DNAH9: variants seen among roughly 807,000 people sequenced by gnomAD.
DNAH9 encodes the protein DNAH9 variant protein.
DNAH9 carries 345 observed loss-of-function variants against 471.6 expected under a neutral mutation model. The observed-to-expected ratio is 0.73, with a 90% CI of 0.67 to 0.80. The LOEUF (loss-of-function observed/expected upper bound fraction) is 0.80. Ranked by LOEUF, DNAH9 falls within the 30% of genes least tolerant of loss-of-function variation. The probability of loss-of-function intolerance (pLI) is 0.00; values close to 1 mark genes in which losing one functional copy is unlikely to be tolerated. For missense variants in DNAH9, 5,407 were observed against 5,609.2 expected (o/e 0.96, Z 1.15); for synonymous variants, 2,093 against 2,123.6 (o/e 0.99, Z 0.40).
At chr17:11,860,408 G>C (rs553772088) in intron 50 of DNAH9, among the ~76,000 whole-genome samples, 37 of 152,344 alleles carry the variant, frequency 2.4e-4, no homozygotes, top group Admixed American at 3.9e-4. Context: ...TGTTAAGGAA[G>C]AGGTAAATTT....
In DNAH9 at chr17:11,652,921, T is replaced by A; in HGVS notation, c.2514T>A (p.Ser838=). 1 of 1,614,040 alleles carries A rather than the reference T, an allele frequency of 6.2e-7. No individual in the cohort carries two copies. Among genetic ancestry groups the A allele is most frequent in the Non-Finnish European group, 8.5e-7 (1 of 1,179,904 alleles). The part of the protein sequence containing the change: ...TKDGKRESLL[S]LDDRHDRMEK... ...ATGGAAAAAGGGAATCCCTTCTTTC[T>A]CTGGATGATCGGCATGATCGAATGG... Residue 838 remains serine, a synonymous_variant, in exon 14 of 69, where the codon TCT becomes TCA. Transcript: ENST00000262442.
intron 28 of DNAH9, among the ~76,000 whole-genome samples, chr17:11,736,945 A>G (rs778786803): frequency 2.0e-5 from 3 of 152,218 alleles, no homozygotes; most frequent in African/African-American, 4.8e-5. Flanking sequence ...AGTGCTCTGT[A>G]TATTTTATGG....
chr17:11,637,677 A>G (rs1018387933), intron 9 of DNAH9, among the ~76,000 whole-genome samples: 14 of 152,230 alleles, frequency 9.2e-5, no homozygotes, highest in Non-Finnish European at 1.6e-4. Context: ...TGGGTGCTCA[A>G]TAAGTCGTTA....
In DNAH9 at chr17:11,760,551, G is replaced by A. The variant is rs368800937; in HGVS notation, c.6995+2859G>A. 3.3e-5 allele frequency among the ~76,000 whole-genome samples: 5 copies of A among 151,610 alleles called. No individual in the cohort carries two copies. In the East Asian group the frequency reaches 7.8e-4, roughly 24 times the overall value. Reference sequence around the variant, plus strand: ...TATTTTTTTTTTGAGACGGAGTCTTGCTCTGTCGCCCAGGCTGGAGTGCAG... The same window carrying A: ...TATTTTTTTTTTGAGACGGAGTCTTACTCTGTCGCCCAGGCTGGAGTGCAG... On this transcript the variant is annotated intron_variant, in intron 35 of 68. Coordinates refer to ENST00000262442, the MANE Select transcript of DNAH9 (RefSeq NM_001372.4).
At chr17:11,729,458 A>G (rs992056127) in intron 28 of DNAH9, among the ~76,000 whole-genome samples, 17 of 152,302 alleles carry the variant, frequency 1.1e-4, no homozygotes, top group Middle Eastern at 3.4e-3. Context: ...CCATATAATC[A>G]AAAATGGTTT....
At chr17:11,910,277 C>G (rs1488614055) in intron 61 of DNAH9, among the ~76,000 whole-genome samples, 1 of 151,912 alleles carries the variant, frequency 6.6e-6, no homozygotes, top group African/African-American at 2.4e-5. Context: ...ATTGCCTATT[C>G]TGGACATTTC....
intron 1 of DNAH9, among the ~76,000 whole-genome samples, chr17:11,604,257 C>T (rs964996721): frequency 8.6e-5 from 13 of 152,016 alleles, no homozygotes; most frequent in African/African-American, 2.7e-4. Flanking sequence ...CTCCTGACCT[C>T]GTGATCTGCC....
intron 11 of DNAH9, among the ~76,000 whole-genome samples, chr17:11,645,873 C>CTTTTTTTTTTTTTTTTTTTTTTTTTT (rs1205010044): frequency 7.2e-6 from 1 of 138,732 alleles, no homozygotes; most frequent in African/African-American, 2.9e-5. Flanking sequence ...TTCTCTTTTT[C>CTTTTTTTTTTTTTTTTTTTTTTTTTT]TTTTTCTTTT....
intron 67 of DNAH9, among the ~76,000 whole-genome samples, chr17:11,950,695 C>T (rs1262834981): frequency 2.6e-5 from 4 of 152,150 alleles, no homozygotes; most frequent in African/African-American, 7.2e-5. Flanking sequence ...CACATTATCT[C>T]TTCTTATAAC....
intron 43 of DNAH9, among the ~76,000 whole-genome samples, chr17:11,800,187 G>C (rs1567810908): frequency 6.6e-6 from 1 of 151,972 alleles, no homozygotes; most frequent in Admixed American, 6.6e-5. Context: ...GCGTCTTCCC[G>C]TCATCAAATC....
intron 67 of DNAH9, among the ~76,000 whole-genome samples, chr17:11,959,047 T>C (rs1029255578): frequency 3.3e-5 from 5 of 152,296 alleles, no homozygotes; most frequent in East Asian, 1.9e-4. Context: ...TCTTCATAAA[T>C]GCAGAGAAGG....
At chr17:11,688,543 G>A (rs867831569) in intron 19 of DNAH9, among the ~76,000 whole-genome samples, 2 of 152,238 alleles carry the variant, frequency 1.3e-5, no homozygotes, top group Non-Finnish European at 1.5e-5. Flanking sequence ...GCTGTTGCCT[G>A]AAGCTGATGC....
In DNAH9 at chr17:11,699,672, T is replaced by C. The variant is rs2074556433; in HGVS notation, c.4873-59T>C. Reference sequence around the variant, plus strand: ...GCCACATGGTAGGCCTCTAAACAATTCTAATAAGCAGCTTCCCGAACATGT... The same window carrying C: ...GCCACATGGTAGGCCTCTAAACAATCCTAATAAGCAGCTTCCCGAACATGT... On this transcript the variant is annotated intron_variant, in intron 22 of 68. Coordinates refer to ENST00000262442, the MANE Select transcript of DNAH9 (RefSeq NM_001372.4). The C allele has an allele frequency of 1.1e-5, 17 of 1,525,526 alleles. No homozygotes were observed. In the South Asian group the frequency reaches 1.8e-4, roughly 16 times the overall value. The allele number at this position is 1,525,526 out of a possible 1,614,324, so 94.5% of individuals were successfully genotyped here. A position where few individuals can be genotyped will look rare whatever the true frequency, so the allele number is the denominator to read the frequency against.
At chr17:11,655,977 G>C (rs1248156579) in intron 14 of DNAH9, among the ~76,000 whole-genome samples, 1 of 151,890 alleles carries the variant, frequency 6.6e-6, no homozygotes, top group African/African-American at 2.4e-5. Flanking sequence ...TAGGCATTTG[G>C]GCTGGTTCCA....
chr17:11,905,894 A>G, intron 61 of DNAH9, 85 bp downstream of exon 61: 5 of 1,452,760 alleles, frequency 3.4e-6, no homozygotes, highest in Non-Finnish European at 4.6e-6. Context: ...TCTTTTCTGG[A>G]TTCAAGCTTC....
chr17:11,897,220 C>T, intron 59 of DNAH9, among the ~76,000 whole-genome samples: 1 of 152,194 alleles, frequency 6.6e-6, no homozygotes, highest in South Asian at 2.1e-4. Context: ...CCTTTGAAAT[C>T]TGGTGAATAT....
chr17:11,894,441 CG>C lies in DNAH9; in HGVS notation c.11354del (p.Gly3785AlafsTer33). ...LDFLLRSPVQ[T>X]GTASPVEFLS... ...TTCCTGCTTCGATCTCCAGTGCAGA[CG>C]GGCACCGCCAGCCCCGTGGAGTTCC... is the stretch of plus-strand genomic sequence containing the variant. On this transcript the variant is annotated frameshift_variant, in exon 59 of 69. Coordinates refer to ENST00000262442, the MANE Select transcript of DNAH9 (RefSeq NM_001372.4). LOFTEE classifies it high-confidence loss of function. The C allele has an allele frequency of 6.2e-7, 1 of 1,614,128 alleles. No individual in the cohort carries two copies. Among genetic ancestry groups the C allele is most frequent in the Non-Finnish European group, 8.5e-7 (1 of 1,179,994 alleles).
intron 24 of DNAH9, 21 bp downstream of exon 24, chr17:11,701,268 C>CCAT: frequency 6.2e-7 from 1 of 1,611,962 alleles, no homozygotes; most frequent in Non-Finnish European, 8.5e-7. Context: ...AATGGGATCC[C>CCAT]CATCCTCCAT....
In DNAH9 at chr17:11,797,764, A is replaced by C; in HGVS notation, c.8391A>C (p.Leu2797=). The change falls in exon 43 of 69, where the codon CTA becomes CTC. Residue 2797 remains leucine, a synonymous_variant. Transcript: ENST00000262442. The stretch of plus-strand genomic sequence containing the variant: ...ATGAAGTCAACACAGTGATGGACCT[A>C]GTTCTCTTTGAGGATGCCATGCGCC... ...NHNEVNTVMD[L]VLFEDAMRHV... The C allele has an allele frequency of 6.2e-7, 1 of 1,614,064 alleles. No homozygotes were observed. The highest frequency in any genetic ancestry group is 8.5e-7 in the Non-Finnish European group (1 of 1,179,990).
Sources: allele counts gnomAD v4.1 joint callset (sites outside exome capture counted in the v4.1 genomes callset), GRCh38; gene constraint gnomAD v4.1.1; transcripts MANE v1.5; gene names NCBI Gene and HGNC (gene_info 2026-07-23, HGNC 2026-07-21).